The following PGAP2 variants were observed in gnomAD, a reference collection of about 807,000 sequenced individuals.
PGAP2 encodes the protein post-GPI attachment to proteins 2.
A neutral mutation model predicts 33.2 loss-of-function variants in PGAP2; 21 were observed. The ratio of observed to expected loss-of-function variants is 0.63; its 90% CI spans 0.45 to 0.91. PGAP2 has a LOEUF of 0.91. Ranked by LOEUF, PGAP2 falls within the 40% of genes least tolerant of loss-of-function variation. The pLI, the probability that PGAP2 is intolerant of heterozygous loss-of-function variation, is 0.00. For missense variants in PGAP2, 345 were observed against 424.0 expected, an observed-to-expected ratio of 0.81 and a Z score of 1.64; for synonymous variants, 161 against 172.9, an observed-to-expected ratio of 0.93 and a Z score of 0.54.
At chr11:3,818,815 C>CT (rs990321936) in intron 3 of PGAP2, among the ~76,000 whole-genome samples, 29 of 152,246 alleles carry the variant, frequency 1.9e-4, no homozygotes, top group African/African-American at 6.0e-4. Flanking sequence ...TCTGGGGTTC[C>CT]TATTATGATT....
At position 3,824,524 on chromosome 11, in the gene PGAP2, G is replaced by A. The variant is rs1311886415; in HGVS notation, c.708+148G>A. ...TGCTGGGGTTGGGGCTGGGGCTTGG[G>A]AACAAACTGAGGGTGGTTGGTCAGA... On this transcript the variant is annotated intron_variant, in intron 5 of 6. Coordinates refer to ENST00000278243, the MANE Select transcript of PGAP2 (RefSeq NM_014489.4). 3.3e-6 allele frequency: 4 copies of A among 1,214,322 alleles called. No individual in the cohort carries two copies. In the Admixed American group the frequency reaches 8.0e-5, roughly 24 times the overall value. The allele number at this position is 1,214,322 out of a possible 1,614,324, so 75.2% of individuals were successfully genotyped here.
rs750354409 is a variant in PGAP2 at position 3,825,366 on chromosome 11, T to C, written c.856T>C (p.Leu286=). Residue 286 remains leucine (L), a synonymous_variant, in exon 7 of 7, where the codon TTA becomes CTA. Coordinates refer to ENST00000278243, the MANE Select transcript of PGAP2 (RefSeq NM_014489.4). ...TGCCATCCTGGAGTACACTGTTGTC[T>C]TAACCAACATGGCGTTCCACATGAC... is the stretch of plus-strand genomic sequence containing the variant. ...IFAILEYTVV[L]TNMAFHMTAW... 1.2e-6 allele frequency: 2 copies of C among 1,613,954 alleles called. No homozygotes were observed. Among genetic ancestry groups the C allele is most frequent in the Non-Finnish European group, 1.7e-6 (2 of 1,179,948 alleles).
At chr11:3,815,989 A>G (rs2086921067) in intron 2 of PGAP2, among the ~76,000 whole-genome samples, 1 of 152,124 alleles carries the variant, frequency 6.6e-6, no homozygotes, top group South Asian at 2.1e-4. Flanking sequence ...AACTCTCAGG[A>G]AGGTCCCTGC....
chr11:3,797,838 T>C, exon 1 of PGAP2: 2 of 1,550,174 alleles, frequency 1.3e-6, no homozygotes, highest in Non-Finnish European at 8.7e-7. Flanking sequence ...CGAAGTGGGC[T>C]TGTGAATGGC....
At chr11:3,809,073 C>A (rs973065690) in intron 1 of PGAP2, among the ~76,000 whole-genome samples, 6 of 152,244 alleles carry the variant, frequency 3.9e-5, no homozygotes, top group African/African-American at 1.4e-4. Flanking sequence ...TAGCACCTAC[C>A]TCATAGAATT....
At chr11:3,817,567 G>A (rs369695308) in intron 3 of PGAP2, 32 bp downstream of exon 3, 3 of 1,583,650 alleles carry the variant, frequency 1.9e-6, no homozygotes, top group Non-Finnish European at 2.6e-6. Context: ...CCTGGGTCAG[G>A]GCCAGGTCAG....
upstream of PGAP2, among the ~76,000 whole-genome samples, chr11:3,804,640 T>C (rs573064060): frequency 6.6e-6 from 1 of 152,226 alleles, no homozygotes; most frequent in African/African-American, 2.4e-5. Context: ...CCCAGTTCCA[T>C]TAAATCAACC....
upstream of PGAP2, among the ~76,000 whole-genome samples, chr11:3,804,843 A>G (rs1234824699): frequency 6.6e-6 from 1 of 152,094 alleles, no homozygotes; most frequent in East Asian, 1.9e-4. Flanking sequence ...CTGGGATTAC[A>G]GGCGCCCGCC....
Position 3,824,324 on chromosome 11 carries a change from T to G in PGAP2, c.656T>G (p.Leu219Arg). ...VFIASSLGHMLLTCILWRLTK... is the reference protein window; with the variant it reads ...VFIASSLGHMRLTCILWRLTK... ...ATTGCCTCATCCCTCGGGCACATGC[T>G]CCTCACCTGCATTCTCTGGCGGTTG... The change falls in exon 5 of 7, where the codon CTC becomes CGC. Residue 219 changes from leucine (L) to arginine (R), a missense_variant. Leu to Arg is a moderately radical substitution (Grantham distance 102). This residue lies in a region of PGAP2 where 311 missense variants were observed against 353.6 expected (regional missense o/e 0.88). Transcript: ENST00000278243. 2 of 1,614,202 alleles carry G rather than the reference T, an allele frequency of 1.2e-6. No individual in the cohort carries two copies. The highest frequency in any genetic ancestry group is 1.7e-6 in the Non-Finnish European group (2 of 1,180,038).
chr11:3,819,330 G>A (rs967509947), intron 3 of PGAP2, among the ~76,000 whole-genome samples: 1 of 152,126 alleles, frequency 6.6e-6, no homozygotes. Context: ...AAGGTCAGGG[G>A]CAAGAGTAGG....
chr11:3,798,381 G>T (rs892244001), intron 1 of PGAP2, among the ~76,000 whole-genome samples: 1 of 152,142 alleles, frequency 6.6e-6, no homozygotes, highest in East Asian at 1.9e-4. Flanking sequence ...CTAGGGTGGA[G>T]TGCATTGGCG....
intron 3 of PGAP2, among the ~76,000 whole-genome samples, chr11:3,819,506 G>T (rs567821153): frequency 2.0e-5 from 3 of 152,138 alleles, no homozygotes; most frequent in South Asian, 2.1e-4. Context: ...CAGTACGGTA[G>T]CTAGAGAAGG....
At chr11:3,800,596 G>A (rs2083293206) in intron 1 of PGAP2, among the ~76,000 whole-genome samples, 2 of 152,046 alleles carry the variant, frequency 1.3e-5, no homozygotes, top group Admixed American at 1.3e-4. Context: ...CGGATCACGA[G>A]GTCAGGAGAT....
At chr11:3,800,871 G>A (rs1001247839) in intron 1 of PGAP2, among the ~76,000 whole-genome samples, 1 of 151,106 alleles carries the variant, frequency 6.6e-6, no homozygotes, top group Non-Finnish European at 1.5e-5. Flanking sequence ...GGTGGCTCAC[G>A]CCTATAATCC....
chr11:3,801,899 T>TGGA (rs2083508129), intron 1 of PGAP2, among the ~76,000 whole-genome samples: 1 of 151,942 alleles, frequency 6.6e-6, no homozygotes, highest in African/African-American at 2.4e-5. Context: ...GAGCCAAGAT[T>TGGA]GCACCACCAT....
chr11:3,798,583 G>A (rs1372337918), intron 1 of PGAP2, among the ~76,000 whole-genome samples: 4 of 151,332 alleles, frequency 2.6e-5, no homozygotes, highest in African/African-American at 7.3e-5. Context: ...CACCCGCCTC[G>A]GCCTCCCAAA....
intron 5 of PGAP2, 178 bp from the exon 6 acceptor site, chr11:3,824,842 G>C: frequency 6.9e-7 from 1 of 1,440,430 alleles, no homozygotes; most frequent in Non-Finnish European, 9.1e-7. Context: ...CACTCCCCCA[G>C]AGGCAGGGAC....
upstream of PGAP2, chr11:3,808,190 C>G: frequency 6.7e-7 from 1 of 1,482,264 alleles, no homozygotes; most frequent in Non-Finnish European, 9.2e-7. Flanking sequence ...TTCAGAAGGG[C>G]GAGGCTGGAT....
chr11:3,824,378 T>TA lies in PGAP2; in HGVS notation c.708+3dup. On this transcript the variant is annotated splice_region_variant and intron_variant, in intron 5 of 6. Coordinates refer to ENST00000278243, the MANE Select transcript of PGAP2 (RefSeq NM_014489.4). ...AAGAAGCACACAGTAAGTCAGGAGG[T>TA]ACGGTCTATCCCTAGCGGGGGCTCC... The TA allele has an allele frequency of 6.2e-7, 1 of 1,614,096 alleles. No individual in the cohort carries two copies. Among genetic ancestry groups the TA allele is most frequent in the Non-Finnish European group, 8.5e-7 (1 of 1,179,974 alleles).
Sources: allele counts gnomAD v4.1 joint callset (sites outside exome capture counted in the v4.1 genomes callset), GRCh38; gene constraint gnomAD v4.1.1; regional missense constraint gnomAD v4.1.1; transcripts MANE v1.5; gene names NCBI Gene and HGNC (gene_info 2026-07-23, HGNC 2026-07-21).